The following C13orf42 variants were observed in gnomAD, a reference collection of about 807,000 sequenced individuals.
C13orf42 encodes the protein chromosome 13 open reading frame 42.
intron 3 of C13orf42, among the ~76,000 whole-genome samples, chr13:51,084,586 G>T (rs1953101955): frequency 6.6e-6 from 1 of 152,218 alleles, no homozygotes; most frequent in Admixed American, 6.5e-5. Context: ...TGTTACTGTG[G>T]AAGGGAAATG....
chr13:51,131,509 C>T (rs140638667), intron 1 of C13orf42, among the ~76,000 whole-genome samples: 1 of 152,258 alleles, frequency 6.6e-6, no homozygotes, highest in Non-Finnish European at 1.5e-5. Flanking sequence ...TAGGACCCCA[C>T]CAAGTTATCT....
At chr13:51,168,863 GCTCT>G (rs1039242335) in intron 1 of C13orf42, among the ~76,000 whole-genome samples, 29 of 146,688 alleles carry the variant, frequency 2.0e-4, no homozygotes, top group African/African-American at 6.4e-4. Flanking sequence ...GCACCTCCCT[GCTCT>G]CTCTCTCTTC....
At chr13:51,109,013 AGCCAGT>A (rs1953394661) in intron 1 of C13orf42, among the ~76,000 whole-genome samples, 1 of 152,232 alleles carries the variant, frequency 6.6e-6, no homozygotes, top group South Asian at 2.1e-4. Flanking sequence ...GAGGAAATCT[AGCCAGT>A]GCCTACTACC....
At chr13:51,149,427 T>C (rs1404690354) in intron 1 of C13orf42, among the ~76,000 whole-genome samples, 1 of 151,352 alleles carries the variant, frequency 6.6e-6, no homozygotes, top group African/African-American at 2.4e-5. Context: ...AAATCTGAAA[T>C]ACAGATGCAA....
intron 1 of C13orf42, among the ~76,000 whole-genome samples, chr13:51,147,236 C>A (rs57687949): frequency 2.0e-5 from 3 of 151,804 alleles, no homozygotes; most frequent in South Asian, 2.1e-4. Context: ...GTGGGGACCC[C>A]CTTTCTTATC....
rs561088306 is a variant in C13orf42 at position 51,106,312 on chromosome 13, C to T, written c.414+4484G>A. 1.6e-3 allele frequency among the ~76,000 whole-genome samples: 250 copies of T among 152,328 alleles called. 1 individual carries two copies. Among genetic ancestry groups the T allele is most frequent in the South Asian group, 8.9e-3 (43 of 4,826 alleles). ...AGGGCTTCACCCTACACAGAATCCA[C>T]GTGCAGTATGACGCAGCTGCCTCCC... On this transcript the variant is annotated intron_variant, in intron 1 of 3. Coordinates refer to ENST00000563710, the MANE Select transcript of C13orf42 (RefSeq NM_001351589.3).
intron 1 of C13orf42, 87 bp downstream of exon 1, chr13:51,110,709 A>G: frequency 2.5e-6 from 1 of 397,714 alleles, no homozygotes; most frequent in Non-Finnish European, 4.4e-6. Context: ...TAATTAAGCC[A>G]TGCAGAGGTA....
intron 1 of C13orf42, among the ~76,000 whole-genome samples, chr13:51,105,623 T>C (rs1475789074): frequency 6.6e-6 from 1 of 152,200 alleles, no homozygotes; most frequent in Non-Finnish European, 1.5e-5. Context: ...CTTTTTATCT[T>C]AGCTTCCAGC....
chr13:51,086,339 C>G (rs1156491526), intron 2 of C13orf42, among the ~76,000 whole-genome samples: 9 of 139,602 alleles, frequency 6.4e-5, no homozygotes, highest in Non-Finnish European at 1.4e-4. Context: ...AAAAAAAAAA[C>G]AAGAAGACAC....
At position 51,082,602 on chromosome 13, in the gene C13orf42, G is replaced by A. The variant is rs1006389460; in HGVS notation, c.*1549C>T. 7 of 152,106 alleles carry A rather than the reference G, an allele frequency of 4.6e-5. No homozygotes were observed. The highest frequency in any genetic ancestry group is 1.7e-4 in the African/African-American group (7 of 41,416). The allele number at this position is 152,106 out of a possible 1,614,324, so 9.4% of individuals were successfully genotyped here. ...GAGGCTTCAAACAAGGCCACATTTA[G>A]GGAAAATAAAAGATCTGTGGTGATA... On this transcript the variant is annotated 3_prime_UTR_variant, in exon 4 of 4. Coordinates refer to ENST00000563710, the MANE Select transcript of C13orf42 (RefSeq NM_001351589.3).
At position 51,124,355 on chromosome 13, in the gene C13orf42, A is replaced by G. The variant is rs570704282; in HGVS notation, n.137-11133T>C. Reference sequence around the variant, plus strand: ...CACAGCCAGCTCTGTGTGAATTACTATCTCTCTATTGCAATTCCCCTGTCT... The same window carrying G: ...CACAGCCAGCTCTGTGTGAATTACTGTCTCTCTATTGCAATTCCCCTGTCT... On this transcript the variant is annotated intron_variant and non_coding_transcript_variant, in intron 1 of 4. Transcript: ENST00000433280. 2.3e-4 allele frequency among the ~76,000 whole-genome samples: 35 copies of G among 152,306 alleles called. 2 individuals carry two copies. The South Asian group carries it at 7.2e-3, about 32-fold the overall frequency.
intron 1 of C13orf42, among the ~76,000 whole-genome samples, chr13:51,151,854 T>A (rs989720235): frequency 1.3e-5 from 2 of 152,292 alleles, no homozygotes; most frequent in Admixed American, 1.3e-4. Flanking sequence ...ACTTACATGG[T>A]CCCAGGGCCT....
chr13:51,167,140 A>G (rs9563030), intron 1 of C13orf42, among the ~76,000 whole-genome samples: 42,705 of 151,970 alleles, frequency 0.28, 6,525 homozygotes, highest in Admixed American at 0.44. Flanking sequence ...AATATTTGTC[A>G]AGGGCTAAGA....
At chr13:51,132,960 C>A (rs1953629772) in intron 1 of C13orf42, among the ~76,000 whole-genome samples, 1 of 152,122 alleles carries the variant, frequency 6.6e-6, no homozygotes, top group South Asian at 2.1e-4. Flanking sequence ...ACACCCTCAC[C>A]AGCGCCATGA....
At position 51,082,949 on chromosome 13, in the gene C13orf42, G is replaced by A. The variant is rs1953079274; in HGVS notation, c.*1202C>T. 1 of 152,150 alleles carries A rather than the reference G, an allele frequency of 6.6e-6. No homozygotes were observed. Among genetic ancestry groups the A allele is most frequent in the Admixed American group, 6.5e-5 (1 of 15,282 alleles). 9.4% of individuals were successfully genotyped at this position (152,150 alleles called of 1,614,324 possible). A position where few individuals can be genotyped will look rare whatever the true frequency, so the allele number is the denominator to read the frequency against. Reference sequence around the variant, plus strand: ...TTCTTCCTAAAAAATGGAACAATAAGAATATCATCCCACAGGCATGGCAGA... The same window carrying A: ...TTCTTCCTAAAAAATGGAACAATAAAAATATCATCCCACAGGCATGGCAGA... On this transcript the variant is annotated 3_prime_UTR_variant, in exon 4 of 4. Coordinates refer to ENST00000563710, the MANE Select transcript of C13orf42 (RefSeq NM_001351589.3).
In C13orf42 at chr13:51,087,910, T is replaced by A; in HGVS notation, c.562+18A>T. The A allele has an allele frequency of 2.5e-6, 1 of 399,262 alleles. No homozygotes were observed. Among genetic ancestry groups the A allele is most frequent in the Non-Finnish European group, 4.4e-6 (1 of 226,426 alleles). The allele number at this position is 399,262 out of a possible 1,614,324, so 24.7% of individuals were successfully genotyped here. On this transcript the variant is annotated intron_variant, in intron 2 of 3. Coordinates refer to ENST00000563710, the MANE Select transcript of C13orf42 (RefSeq NM_001351589.3). ...CCGCCTTCAGCCACCATCTTCCCAC[T>A]GCCTTCCTGGCACTCACCGTCAAAG...
chr13:51,156,858 T>G (rs1405462695), intron 1 of C13orf42, among the ~76,000 whole-genome samples: 3 of 152,216 alleles, frequency 2.0e-5, no homozygotes, highest in Admixed American at 2.0e-4. Flanking sequence ...TTCAGGCCAG[T>G]TCACTCTGTT....
intron 1 of C13orf42, among the ~76,000 whole-genome samples, chr13:51,141,820 A>G (rs1028075338): frequency 1.3e-5 from 2 of 152,140 alleles, no homozygotes; most frequent in African/African-American, 2.4e-5. Flanking sequence ...CTTAAATTAG[A>G]TAATAAGAAA....
chr13:51,153,360 G>A lies in C13orf42; in HGVS notation n.136+18893C>T, dbSNP rs573040841. The stretch of plus-strand genomic sequence containing the variant: ...CCAGGGCATCAAGATGAGGTCCTGG[G>A]CACCTATAAGTGTCTGCACTCACCC... On this transcript the variant is annotated intron_variant and non_coding_transcript_variant, in intron 1 of 4. Transcript: ENST00000433280. 2.2e-3 allele frequency among the ~76,000 whole-genome samples: 340 copies of A among 152,070 alleles called. 3 individuals carry two copies. The highest frequency in any genetic ancestry group is 1.5e-4 in the Non-Finnish European group (10 of 67,976).
Sources: gnomAD v4.1 joint callset for allele counts (sites outside exome capture counted in the v4.1 genomes callset) on GRCh38, gnomAD v4.1.1 for gene constraint, MANE v1.5 for transcripts, NCBI Gene and HGNC (gene_info 2026-07-23, HGNC 2026-07-21) for gene names.